The following MORF4L1 variants were observed in gnomAD, a reference collection of about 807,000 sequenced individuals.
The protein encoded by MORF4L1 is mortality factor 4-like protein 1.
Under a neutral mutation model 52.9 loss-of-function variants are expected in MORF4L1, and 4 were observed. That is an observed-to-expected ratio of 0.08 (90% confidence interval 0.04 to 0.17). The LOEUF (loss-of-function observed/expected upper bound fraction) is 0.17, where lower values mean the gene tolerates loss of function less well. Ranked by LOEUF, MORF4L1 falls within the 10% of genes least tolerant of loss-of-function variation. MORF4L1 has a pLI of 1.00. For missense variants in MORF4L1, 214 were observed against 390.4 expected, an observed-to-expected ratio of 0.55 and a Z score of 3.81; for synonymous variants, 123 against 134.8, an observed-to-expected ratio of 0.91 and a Z score of 0.61.
intron 1 of MORF4L1, among the ~76,000 whole-genome samples, chr15:78,877,094 A>C (rs1202625355): frequency 7.0e-6 from 1 of 143,846 alleles, no homozygotes; most frequent in East Asian, 2.0e-4. Flanking sequence ...CTGAAGGTGC[A>C]CATCACCACG....
intron 11 of MORF4L1, among the ~76,000 whole-genome samples, chr15:78,895,881 T>C (rs75732182): frequency 6.6e-5 from 10 of 151,814 alleles, no homozygotes; most frequent in African/African-American, 2.4e-4. Context: ...TATCATCTTT[T>C]CTTTACTAAT....
chr15:78,874,154 C>T (rs2056432100), intron 1 of MORF4L1, among the ~76,000 whole-genome samples: 1 of 152,100 alleles, frequency 6.6e-6, no homozygotes, highest in Non-Finnish European at 1.5e-5. Flanking sequence ...AAGTAAAGTC[C>T]TGTTGAGAAA....
At chr15:78,884,911 G>C (rs2056672171) in intron 3 of MORF4L1, 1 of 1,221,492 alleles carries the variant, frequency 8.2e-7, no homozygotes, top group African/African-American at 1.5e-5. Flanking sequence ...ATAAAGCTGA[G>C]GCTCAATTCT....
intron 1 of MORF4L1, among the ~76,000 whole-genome samples, chr15:78,874,755 C>T (rs752537605): frequency 6.9e-6 from 1 of 145,034 alleles, no homozygotes; most frequent in Non-Finnish European, 1.5e-5. Flanking sequence ...ACCCCTCTCT[C>T]ACCTTGAGAA....
At chr15:78,891,621 A>C (rs1366907689) in intron 7 of MORF4L1, 49 bp downstream of exon 7, 1 of 1,418,200 alleles carries the variant, frequency 7.1e-7, no homozygotes, top group Non-Finnish European at 9.9e-7. Context: ...TTTTAGTCTC[A>C]GTTACATGAC....
intron 5 of MORF4L1, among the ~76,000 whole-genome samples, chr15:78,889,224 C>A (rs1321341489): frequency 6.6e-6 from 1 of 152,180 alleles, no homozygotes; most frequent in South Asian, 2.1e-4. Context: ...TTTGAAGGAT[C>A]CTCAGTCTAG....
chr15:78,876,417 G>T, intron 1 of MORF4L1: 10 of 385,358 alleles, frequency 2.6e-5, no homozygotes, highest in Middle Eastern at 3.8e-4. Context: ...TTTTTGTTTT[G>T]TTTTGTTTAG....
At chr15:78,880,435 T>A in intron 2 of MORF4L1, 77 bp from the exon 3 acceptor site, 1 of 1,027,298 alleles carries the variant, frequency 9.7e-7, no homozygotes, top group Non-Finnish European at 1.5e-6. Context: ...GTGTAGAGTG[T>A]CTTTGAAGGA....
chr15:78,885,831 GATAAC>G (rs1197610961), intron 3 of MORF4L1, among the ~76,000 whole-genome samples: 1 of 152,150 alleles, frequency 6.6e-6, no homozygotes, highest in Admixed American at 6.5e-5. Context: ...AAGTCTTTAA[GATAAC>G]ATAAGACTAA....
intron 2 of MORF4L1, among the ~76,000 whole-genome samples, chr15:78,878,778 C>A (rs2056543198): frequency 1.3e-5 from 2 of 152,172 alleles, no homozygotes; most frequent in Non-Finnish European, 2.9e-5. Context: ...TGAAGGTAAG[C>A]AGGAGAATGC....
intron 3 of MORF4L1, 101 bp downstream of exon 3, chr15:78,880,680 T>C (rs1292734509): frequency 1.2e-6 from 1 of 820,026 alleles, no homozygotes; most frequent in Non-Finnish European, 1.9e-6. Context: ...AGTTTTAATG[T>C]AATATAGTAC....
chr15:78,894,992 C>A, intron 11 of MORF4L1, 88 bp downstream of exon 11: 1 of 1,060,398 alleles, frequency 9.4e-7, no homozygotes, highest in Non-Finnish European at 1.5e-6. Flanking sequence ...AAACATTAAA[C>A]ATTATATTGG....
chr15:78,877,040 A>G (rs1017988777), intron 1 of MORF4L1, among the ~76,000 whole-genome samples: 13 of 149,570 alleles, frequency 8.7e-5, no homozygotes, highest in Admixed American at 2.0e-4. Context: ...CCTGGGTTCA[A>G]GCGATTCTCA....
intron 8 of MORF4L1, chr15:78,892,828 G>A (rs1567316714): frequency 6.5e-6 from 1 of 153,874 alleles, no homozygotes; most frequent in Non-Finnish European, 1.4e-5. Flanking sequence ...AATGGCATAG[G>A]TAGGGTTAGG....
At chr15:78,886,417 C>T in intron 4 of MORF4L1, 190 bp downstream of exon 4, 1 of 596,626 alleles carries the variant, frequency 1.7e-6, no homozygotes, top group Middle Eastern at 2.7e-4. Flanking sequence ...AGCATACCTG[C>T]CATTACTTGA....
At chr15:78,882,530 G>T (rs7497610) in intron 3 of MORF4L1, among the ~76,000 whole-genome samples, 112,640 of 152,072 alleles carry the variant, frequency 0.74, 44,016 homozygotes, top group South Asian at 0.88. Flanking sequence ...GTATCTCATA[G>T]CTTTTTATTA....
chr15:78,884,213 AAC>A (rs1450707543), intron 3 of MORF4L1, among the ~76,000 whole-genome samples: 110 of 120,502 alleles, frequency 9.1e-4, no homozygotes, highest in Non-Finnish European at 1.4e-3. Flanking sequence ...CAAAAAAAAA[AAC>A]AAAAAGCTGA....
Position 78,887,278 on chromosome 15 carries a change from T to C in MORF4L1, c.252T>C (p.Tyr84=). 1 of 1,609,794 alleles carries C rather than the reference T, an allele frequency of 6.2e-7. No homozygotes were observed. The highest frequency in any genetic ancestry group is 1.1e-5 in the South Asian group (1 of 90,586). Residue 84 remains tyrosine (Y), a synonymous_variant, in exon 5 of 12, where the codon TAT becomes TAC. Coordinates refer to ENST00000426013, the MANE Select transcript of MORF4L1 (RefSeq NM_006791.4). ...RELQKANQEQ[Y]AEGKMRGAAP... is the part of the protein sequence containing the mutation. ...GAAATTATTTTTGAAGGGAGCAGTA[T>C]GCAGAGGGGAAGATGAGAGGGGCTG...
intron 4 of MORF4L1, among the ~76,000 whole-genome samples, chr15:78,886,876 A>AC (rs762079514): frequency 6.6e-6 from 1 of 151,640 alleles, no homozygotes; most frequent in East Asian, 1.9e-4. Context: ...AATGGCGTGA[A>AC]CCCGGGAGGC....
Sources: gnomAD v4.1 joint callset for allele counts (sites outside exome capture counted in the v4.1 genomes callset) on GRCh38, gnomAD v4.1.1 for gene constraint, MANE v1.5 for transcripts, NCBI Gene and HGNC (gene_info 2026-07-23, HGNC 2026-07-21) for gene names.